The following ABL1 variants were observed in gnomAD, a reference collection of about 807,000 sequenced individuals.
The protein encoded by ABL1 is tyrosine-protein kinase ABL1.
A neutral mutation model predicts 94.7 loss-of-function variants in ABL1; 11 were observed. The ratio of observed to expected loss-of-function variants is 0.12; its 90% CI spans 0.07 to 0.19. ABL1 has a LOEUF of 0.19. Among genes scored for constraint, ABL1 ranks in the 10% least tolerant of loss-of-function variants. The probability of loss-of-function intolerance (pLI) is 1.00; values close to 1 mark genes in which losing one functional copy is unlikely to be tolerated. For missense variants in ABL1, 1,082 were observed against 1,489.4 expected, an observed-to-expected ratio of 0.73 and a Z score of 4.50; for synonymous variants, 656 against 622.4, an observed-to-expected ratio of 1.05 and a Z score of -0.80.
At chr9:130,773,206 C>A (rs1420338729) in intron 1 of ABL1, among the ~76,000 whole-genome samples, 1 of 152,080 alleles carries the variant, frequency 6.6e-6, no homozygotes, top group African/African-American at 2.4e-5. Context: ...TGTAATCCTG[C>A]TACTCGGGAG....
At chr9:130,751,780 T>C (rs1048242091) in intron 1 of ABL1, among the ~76,000 whole-genome samples, 2 of 152,182 alleles carry the variant, frequency 1.3e-5, no homozygotes, top group African/African-American at 4.8e-5. Context: ...ACCAAATGCT[T>C]TCCAGCCGGG....
chr9:130,765,940 T>C (rs1282423867), intron 1 of ABL1, among the ~76,000 whole-genome samples: 1 of 152,180 alleles, frequency 6.6e-6, no homozygotes, highest in Non-Finnish European at 1.5e-5. Context: ...AAAGAAGCAG[T>C]CACAAGGACA....
rs1408803474 is a variant in ABL1, at chr9:130,874,913, G to C, written c.1131G>C (p.Val377=). 2 of 1,614,214 alleles carry C rather than the reference G, an allele frequency of 1.2e-6. No homozygotes were observed. The highest frequency in any genetic ancestry group is 4.5e-5 in the East Asian group (2 of 44,880). ...RNCLVGENHL[V]KVADFGLSRL... is the part of the protein sequence containing the mutation. ...GCCTGGTAGGGGAGAACCACTTGGT[G>C]AAGGTAGCTGATTTTGGCCTGAGCA... The change falls in exon 7 of 11, where the codon GTG becomes GTC. Residue 377 remains valine (V), a synonymous_variant. Transcript: ENST00000318560.
intron 1 of ABL1, among the ~76,000 whole-genome samples, chr9:130,841,811 C>CA (rs201172138): frequency 2.1e-4 from 31 of 146,376 alleles, no homozygotes; most frequent in Admixed American, 6.8e-4. Flanking sequence ...AACTCCAGCT[C>CA]AAAAAAAAAA....
intron 1 of ABL1, among the ~76,000 whole-genome samples, chr9:130,721,433 G>T (rs1831512541): frequency 6.6e-6 from 1 of 152,054 alleles, no homozygotes; most frequent in South Asian, 2.1e-4. Context: ...CTAAGGCCAG[G>T]TGCGGTGGCT....
intron 1 of ABL1, among the ~76,000 whole-genome samples, chr9:130,824,966 G>A (rs537116567): frequency 6.6e-6 from 1 of 152,292 alleles, no homozygotes; most frequent in East Asian, 1.9e-4. Flanking sequence ...TTTGTCCTTT[G>A]TGTGTGTTGA....
chr9:130,851,437 C>T (rs1419111257), intron 1 of ABL1, among the ~76,000 whole-genome samples: 3 of 152,036 alleles, frequency 2.0e-5, no homozygotes, highest in Admixed American at 6.6e-5. Flanking sequence ...AGTACAGAAG[C>T]GAGACTTGAA....
chr9:130,722,508 G>C (rs1476820765), intron 1 of ABL1, among the ~76,000 whole-genome samples: 1 of 152,268 alleles, frequency 6.6e-6, no homozygotes, highest in Non-Finnish European at 1.5e-5. Flanking sequence ...CTTTATTTTA[G>C]AGACAGGGTC....
intron 1 of ABL1, among the ~76,000 whole-genome samples, chr9:130,820,871 TC>T (rs1830351384): frequency 6.6e-6 from 1 of 152,182 alleles, no homozygotes; most frequent in Non-Finnish European, 1.5e-5. Flanking sequence ...ATTTGAATGT[TC>T]AATTCAATGA....
intron 1 of ABL1, among the ~76,000 whole-genome samples, chr9:130,785,214 T>G (rs765298296): frequency 6.6e-6 from 1 of 152,142 alleles, no homozygotes; most frequent in Non-Finnish European, 1.5e-5. Flanking sequence ...GTGTGCTGAT[T>G]TTCACTGGTG....
At chr9:130,859,695 T>C (rs1386696308) in intron 3 of ABL1, among the ~76,000 whole-genome samples, 1 of 128,718 alleles carries the variant, frequency 7.8e-6, no homozygotes, top group Admixed American at 7.5e-5. Flanking sequence ...TTTTTTTTTT[T>C]TTTTTTTTTT....
chr9:130,797,867 T>G (rs1830000697), intron 1 of ABL1, among the ~76,000 whole-genome samples: 1 of 152,176 alleles, frequency 6.6e-6, no homozygotes. Flanking sequence ...TAGGTGCATA[T>G]TTCTGTTTCC....
chr9:130,721,216 T>G (rs1309815243), intron 1 of ABL1, among the ~76,000 whole-genome samples: 1 of 151,494 alleles, frequency 6.6e-6, no homozygotes, highest in East Asian at 1.9e-4. Context: ...TCGTCTCTAC[T>G]AAAAATACAA....
At chr9:130,747,579 AATTTTTGT>A (rs1331637187) in intron 1 of ABL1, among the ~76,000 whole-genome samples, 1 of 152,012 alleles carries the variant, frequency 6.6e-6, no homozygotes, top group South Asian at 2.1e-4. Flanking sequence ...ACACCCTGCT[AATTTTTGT>A]ATTTTTGTAG....
chr9:130,779,520 T>C (rs1031706541), intron 1 of ABL1, among the ~76,000 whole-genome samples: 6 of 152,296 alleles, frequency 3.9e-5, no homozygotes. Context: ...TATTAAAGTC[T>C]TTATTCCCCA....
chr9:130,814,907 T>A lies in ABL1; in HGVS notation c.137-39157T>A, dbSNP rs1347443055. ...AATAAAATAAAATAAAAATAAAGTT[T>A]AGTAAAATAAAAAAAATCAGTAAAA... On this transcript the variant is annotated intron_variant, in intron 1 of 10. Transcript: ENST00000372348. The surrounding 1 kb of genome is among the most constrained non-coding windows in gnomAD (Gnocchi z 4.4). Among the ~76,000 whole-genome samples, 1 of 151,500 alleles carries A rather than the reference T, an allele frequency of 6.6e-6. No homozygotes were observed. Among genetic ancestry groups the A allele is most frequent in the East Asian group, 1.9e-4 (1 of 5,150 alleles).
chr9:130,735,859 G>T (rs2132702857), intron 1 of ABL1, among the ~76,000 whole-genome samples: 1 of 149,142 alleles, frequency 6.7e-6, no homozygotes, highest in Middle Eastern at 3.5e-3. Context: ...ATTCTACTTG[G>T]TAGATAGCTA....
chr9:130,741,807 G>C (rs1831823359), intron 1 of ABL1, among the ~76,000 whole-genome samples: 1 of 152,210 alleles, frequency 6.6e-6, no homozygotes, highest in Non-Finnish European at 1.5e-5. Context: ...CTGTCCTCAA[G>C]CATTTCCAAC....
chr9:130,826,666 C>T (rs1300966359), intron 1 of ABL1, among the ~76,000 whole-genome samples: 1 of 152,124 alleles, frequency 6.6e-6, no homozygotes, highest in East Asian at 1.9e-4. Flanking sequence ...AAGCTGAAAT[C>T]AAGGGGATCA....
Sources: allele counts gnomAD v4.1 joint callset (sites outside exome capture counted in the v4.1 genomes callset), GRCh38; gene constraint gnomAD v4.1.1; non-coding constraint Gnocchi (gnomAD v3.1); transcripts MANE v1.5; gene names NCBI Gene and HGNC (gene_info 2026-07-23, HGNC 2026-07-21).